Variants in HDAC9 observed in about 807,000 individuals in gnomAD.
HDAC9 encodes MEF-2 interacting transcription repressor (MITR) protein.
Under a neutral mutation model 139.4 loss-of-function variants are expected in HDAC9, and 41 were observed. The ratio of observed to expected loss-of-function variants is 0.29; its 90% CI spans 0.23 to 0.38. HDAC9 has a LOEUF of 0.38. Among genes scored for constraint, HDAC9 ranks in the 10% least tolerant of loss-of-function variants. The probability of loss-of-function intolerance (pLI) is 1.00; values close to 1 mark genes in which losing one functional copy is unlikely to be tolerated. For synonymous variants in HDAC9, 517 were observed against 476.2 expected, an observed-to-expected ratio of 1.09 and a Z score of -1.12; for missense variants, 1,147 against 1,297.0, an observed-to-expected ratio of 0.88 and a Z score of 1.78.
intron 10 of HDAC9, 68 bp from the exon 11 acceptor site, chr7:18,648,398 G>GTGTGTGTGTGTA (rs1405934176): frequency 1.7e-6 from 2 of 1,148,650 alleles, no homozygotes; most frequent in Non-Finnish European, 2.5e-6. Context: ...TCTTAAAATT[G>GTGTGTGTGTGTA]TGTGTGTGTG....
intron 1 of HDAC9, among the ~76,000 whole-genome samples, chr7:18,113,550 C>A (rs889983703): frequency 2.0e-5 from 3 of 152,142 alleles, no homozygotes; most frequent in Non-Finnish European, 2.9e-5. Flanking sequence ...AGTTTGAACA[C>A]AAGGTAAAAT....
intron 1 of HDAC9, among the ~76,000 whole-genome samples, chr7:18,453,230 T>C (rs1793041784): frequency 1.3e-5 from 2 of 152,194 alleles, no homozygotes; most frequent in Admixed American, 1.3e-4. Flanking sequence ...CACTTACTTC[T>C]TATGTATTTC....
chr7:18,654,129 C>T (rs1050424976), intron 11 of HDAC9, among the ~76,000 whole-genome samples: 1 of 151,990 alleles, frequency 6.6e-6, no homozygotes, highest in Non-Finnish European at 1.5e-5. Flanking sequence ...GTCTGTATTC[C>T]AAAAGTTTAC....
At chr7:18,607,836 A>G (rs1421787022) in intron 6 of HDAC9, among the ~76,000 whole-genome samples, 2 of 152,332 alleles carry the variant, frequency 1.3e-5, no homozygotes, top group East Asian at 1.9e-4. Context: ...TGAAGAATAT[A>G]TAAGAAATAA....
intron 7 of HDAC9, among the ~76,000 whole-genome samples, chr7:18,633,104 A>G (rs1782842883): frequency 6.6e-6 from 1 of 152,036 alleles, no homozygotes; most frequent in South Asian, 2.1e-4. Flanking sequence ...TGAAGTCATG[A>G]TACTGAGTGA....
intron 1 of HDAC9, among the ~76,000 whole-genome samples, chr7:18,131,048 T>A (rs1257188041): frequency 6.6e-6 from 1 of 152,152 alleles, no homozygotes; most frequent in African/African-American, 2.4e-5. Context: ...TATTTTTCTG[T>A]TGCTCAAATT....
At chr7:18,798,598 T>C (rs1174788103) in intron 17 of HDAC9, among the ~76,000 whole-genome samples, 2 of 152,200 alleles carry the variant, frequency 1.3e-5, no homozygotes, top group Non-Finnish European at 2.9e-5. Flanking sequence ...TCCTAGAGAA[T>C]TGTCATTATT....
chr7:18,972,783 T>G (rs1248372354), intron 24 of HDAC9, among the ~76,000 whole-genome samples: 1 of 152,216 alleles, frequency 6.6e-6, no homozygotes, highest in Non-Finnish European at 1.5e-5. Flanking sequence ...AGTGCAATTT[T>G]ATGAGAAATT....
At chr7:18,401,169 T>A (rs1300981991) in intron 1 of HDAC9, among the ~76,000 whole-genome samples, 1 of 152,212 alleles carries the variant, frequency 6.6e-6, no homozygotes, top group Non-Finnish European at 1.5e-5. Context: ...TTTAATGAAG[T>A]GTTATCCACT....
intron 17 of HDAC9, among the ~76,000 whole-genome samples, chr7:18,793,699 C>T (rs941360904): frequency 6.6e-6 from 1 of 152,094 alleles, no homozygotes; most frequent in Admixed American, 6.6e-5. Context: ...CATGTAAGAG[C>T]ACAGAGATAA....
rs1248954360 is a variant in HDAC9 at position 18,149,329 on chromosome 7, AT to A, written c.-96-12898del. Reference sequence around the variant, plus strand: ...AATTATAATATTTAACAACATATTAATTCTTATAATAATTAATAATTTTTTC... The same window carrying A: ...AATTATAATATTTAACAACATATTAATCTTATAATAATTAATAATTTTTTC... On this transcript the variant is annotated intron_variant, in intron 1 of 12. Coordinates refer to the HDAC9 transcript ENST00000417496. 3.3e-5 allele frequency among the ~76,000 whole-genome samples: 5 copies of A among 149,502 alleles called. No individual in the cohort carries two copies. In the South Asian group the frequency reaches 8.3e-4, roughly 25 times the overall value.
intron 2 of HDAC9, among the ~76,000 whole-genome samples, chr7:18,168,892 TTTTTTTGTGTG>T (rs1458898868): frequency 4.4e-5 from 5 of 114,648 alleles, no homozygotes; most frequent in African/African-American, 1.9e-4. Context: ...TTTTTTTTTT[TTTTTTTGTGTG>T]TGTGTGTGTG....
intron 17 of HDAC9, among the ~76,000 whole-genome samples, chr7:18,825,789 CAT>C (rs1465111209): frequency 8.1e-5 from 12 of 148,044 alleles, no homozygotes; most frequent in African/African-American, 2.9e-4. Flanking sequence ...AAAACCTTCA[CAT>C]ACACATATAT....
intron 1 of HDAC9, among the ~76,000 whole-genome samples, chr7:18,426,369 T>G (rs1048834434): frequency 9.9e-5 from 15 of 152,216 alleles, no homozygotes; most frequent in Admixed American, 3.9e-4. Context: ...GTTTTTAATC[T>G]TAGAAGCAAA....
At chr7:18,951,798 C>G (rs777923108) in intron 23 of HDAC9, among the ~76,000 whole-genome samples, 125 of 151,792 alleles carry the variant, frequency 8.2e-4, no homozygotes, top group Admixed American at 2.0e-3. Context: ...TGACAACACT[C>G]ATAAATATTT....
At chr7:18,770,355 G>T (rs1055623089) in intron 16 of HDAC9, among the ~76,000 whole-genome samples, 1 of 152,108 alleles carries the variant, frequency 6.6e-6, no homozygotes, top group Non-Finnish European at 1.5e-5. Flanking sequence ...CTTGGTCATG[G>T]TGTAGTAAAA....
chr7:18,989,197 G>T (rs1785644977), intron 25 of HDAC9, among the ~76,000 whole-genome samples: 1 of 148,258 alleles, frequency 6.7e-6, no homozygotes, highest in South Asian at 2.2e-4. Flanking sequence ...TGCAGTGGCT[G>T]GTACCGGTTG....
chr7:18,617,199 C>T (rs1041751174), intron 6 of HDAC9, among the ~76,000 whole-genome samples: 2 of 152,086 alleles, frequency 1.3e-5, no homozygotes, highest in African/African-American at 4.8e-5. Context: ...TACTCCTGTC[C>T]AGTCAATCCT....
chr7:18,088,639 C>T (rs996331609), intron 1 of HDAC9, among the ~76,000 whole-genome samples: 2 of 152,070 alleles, frequency 1.3e-5, no homozygotes, highest in Admixed American at 1.3e-4. Context: ...ATCTTTTGAC[C>T]TTCTTTTTCG....
Sources: gnomAD v4.1 joint callset for allele counts (sites outside exome capture counted in the v4.1 genomes callset) on GRCh38, gnomAD v4.1.1 for gene constraint, MANE v1.5 for transcripts, NCBI Gene and HGNC (gene_info 2026-07-23, HGNC 2026-07-21) for gene names.